FAM78B: variants seen among roughly 807,000 people sequenced by gnomAD.
FAM78B encodes the protein family with sequence similarity 78 member B.
A neutral mutation model predicts 20.0 loss-of-function variants in FAM78B; 10 were observed. That is an observed-to-expected ratio of 0.50 (90% CI 0.31 to 0.85). FAM78B has a LOEUF of 0.85. Ranked by LOEUF, FAM78B falls within the 40% of genes least tolerant of loss-of-function variation. The probability of loss-of-function intolerance (pLI) is 0.05; values close to 1 mark genes in which losing one functional copy is unlikely to be tolerated. For synonymous variants in FAM78B, 135 were observed against 132.8 expected (o/e 1.02, Z -0.12); for missense variants, 283 against 345.0 (o/e 0.82, Z 1.42).
intron 1 of FAM78B, among the ~76,000 whole-genome samples, chr1:166,139,098 A>G (rs1156501516): frequency 6.6e-6 from 1 of 152,184 alleles, no homozygotes. Flanking sequence ...GGACACCAGA[A>G]ATTTTTCTAG....
chr1:166,149,312 C>A (rs915199543), intron 1 of FAM78B, among the ~76,000 whole-genome samples: 16 of 152,126 alleles, frequency 1.1e-4, no homozygotes, highest in African/African-American at 3.6e-4. Flanking sequence ...TTATAGAAAA[C>A]AGATATCTTA....
At chr1:166,093,218 G>A (rs1315754060) in intron 1 of FAM78B, among the ~76,000 whole-genome samples, 1 of 152,130 alleles carries the variant, frequency 6.6e-6, no homozygotes, top group Non-Finnish European at 1.5e-5. Context: ...AGTGGGGCAT[G>A]CAGTTTGTGA....
At chr1:166,148,197 A>T (rs139496296) in intron 1 of FAM78B, among the ~76,000 whole-genome samples, 1 of 152,182 alleles carries the variant, frequency 6.6e-6, no homozygotes, top group Non-Finnish European at 1.5e-5. Context: ...TGTTTTAAGG[A>T]GTGTCTTATG....
At chr1:166,068,084 GTTGT>G (rs1169183873), downstream of FAM78B, among the ~76,000 whole-genome samples, 3 of 152,262 alleles carry the variant, frequency 2.0e-5, no homozygotes, top group East Asian at 1.9e-4. Flanking sequence ...TAATTAATCT[GTTGT>G]TTGTTACAAC....
chr1:166,156,561 A>T (rs532911929), intron 1 of FAM78B, among the ~76,000 whole-genome samples: 1 of 152,356 alleles, frequency 6.6e-6, no homozygotes, highest in African/African-American at 2.4e-5. Context: ...CAGCTTGCTT[A>T]TCTGAAATAG....
At chr1:166,102,990 G>T (rs966485321) in intron 1 of FAM78B, among the ~76,000 whole-genome samples, 21 of 152,250 alleles carry the variant, frequency 1.4e-4, no homozygotes, top group South Asian at 4.1e-4. Flanking sequence ...TAAAAGAAAA[G>T]AAATTATAAC....
intron 1 of FAM78B, among the ~76,000 whole-genome samples, chr1:166,113,159 G>A (rs1167857110): frequency 1.3e-5 from 2 of 152,230 alleles, no homozygotes; most frequent in African/African-American, 4.8e-5. Context: ...TGAGCAAACC[G>A]ACTCTCAACA....
At chr1:166,128,160 T>C (rs1279057580) in intron 1 of FAM78B, among the ~76,000 whole-genome samples, 9 of 152,232 alleles carry the variant, frequency 5.9e-5, no homozygotes, top group African/African-American at 2.2e-4. Flanking sequence ...CTATTACCTA[T>C]AGGAGCTAAA....
intron 1 of FAM78B, among the ~76,000 whole-genome samples, chr1:166,162,076 A>C (rs1656167463): frequency 6.6e-6 from 1 of 152,208 alleles, no homozygotes; most frequent in Non-Finnish European, 1.5e-5. Flanking sequence ...AAAAGATGGG[A>C]GCAGTTCCAC....
chr1:166,130,981 C>CTTT (rs869158425), intron 1 of FAM78B, among the ~76,000 whole-genome samples: 36 of 114,020 alleles, frequency 3.2e-4, no homozygotes, highest in African/African-American at 3.8e-4. Flanking sequence ...TCCCCAGGTG[C>CTTT]TTTTTTTTTT....
At chr1:166,109,890 G>GTATATATGTGTATATATATATATATGTA (rs1557903394) in intron 1 of FAM78B, among the ~76,000 whole-genome samples, 1 of 23,192 alleles carries the variant, frequency 4.3e-5, no homozygotes, top group Non-Finnish European at 1.1e-4. Context: ...ATGTATATAT[G>GTATATATGTGTATATATATATATATGTA]TATATATATA....
chr1:166,160,079 G>T (rs2101805836), intron 1 of FAM78B, among the ~76,000 whole-genome samples: 1 of 152,316 alleles, frequency 6.6e-6, no homozygotes, highest in South Asian at 2.1e-4. Flanking sequence ...AAATGGCGGG[G>T]GGAGAATGGG....
chr1:166,081,759 T>A (rs146320575), intron 1 of FAM78B, among the ~76,000 whole-genome samples: 1 of 152,170 alleles, frequency 6.6e-6, no homozygotes, highest in East Asian at 1.9e-4. Flanking sequence ...CAGAGGAAAC[T>A]GGGGCTGGAG....
At chr1:166,105,636 C>G (rs1037145899) in intron 1 of FAM78B, among the ~76,000 whole-genome samples, 3 of 152,208 alleles carry the variant, frequency 2.0e-5, no homozygotes, top group Non-Finnish European at 4.4e-5. Context: ...CAGAGAAATG[C>G]AAATCAAAAC....
intron 1 of FAM78B, among the ~76,000 whole-genome samples, chr1:166,088,276 G>A (rs1652915983): frequency 6.6e-6 from 1 of 152,196 alleles, no homozygotes; most frequent in African/African-American, 2.4e-5. Context: ...GTATTCAGGA[G>A]CCCATCAACG....
intron 1 of FAM78B, among the ~76,000 whole-genome samples, chr1:166,100,032 T>G (rs530649886): frequency 2.6e-5 from 4 of 152,282 alleles, no homozygotes; most frequent in African/African-American, 7.2e-5. Flanking sequence ...CTCAATAAAT[T>G]TAAGACAACT....
chr1:166,127,621 G>A (rs1446790324), intron 1 of FAM78B, among the ~76,000 whole-genome samples: 1 of 152,206 alleles, frequency 6.6e-6, no homozygotes, highest in Non-Finnish European at 1.5e-5. Context: ...AGTACTAGTA[G>A]AAATTGAATT....
downstream of FAM78B, among the ~76,000 whole-genome samples, chr1:166,056,437 T>C (rs1335169924): frequency 6.6e-6 from 1 of 152,178 alleles, no homozygotes; most frequent in Non-Finnish European, 1.5e-5. Context: ...AGGGCTCTAA[T>C]AGGCTAGGTC....
chr1:166,157,741 A>G (rs543528146), intron 1 of FAM78B, among the ~76,000 whole-genome samples: 114 of 152,220 alleles, frequency 7.5e-4, no homozygotes, highest in African/African-American at 2.6e-3. Context: ...AGCTATCCAT[A>G]TCCAGTACCT....
Sources: gnomAD v4.1 joint callset for allele counts (sites outside exome capture counted in the v4.1 genomes callset) on GRCh38, gnomAD v4.1.1 for gene constraint, MANE v1.5 for transcripts, NCBI Gene and HGNC (gene_info 2026-07-23, HGNC 2026-07-21) for gene names.